NWD2: variants seen among roughly 807,000 people sequenced by gnomAD.
The protein encoded by NWD2 is NACHT and WD repeat domain containing 2.
NWD2 carries 37 observed loss-of-function variants against 132.7 expected under a neutral mutation model. The observed-to-expected ratio is 0.28, with a 90% CI of 0.21 to 0.37. NWD2 has a LOEUF of 0.37. Ranked by LOEUF, NWD2 falls within the 10% of genes least tolerant of loss-of-function variation. The pLI, the probability that NWD2 is intolerant of heterozygous loss-of-function variation, is 1.00. For synonymous variants in NWD2, 705 were observed against 803.0 expected, an observed-to-expected ratio of 0.88 and a Z score of 2.06; for missense variants, 1,592 against 2,122.4, an observed-to-expected ratio of 0.75 and a Z score of 4.91.
rs1277197567 is a variant in NWD2, at chr4:37,275,056, C to A, written c.151+29838C>A. ...GCCCTCTCTCACCACTCCTATTCAACATAGTGTTGGAAGTTCTGGCCAGGG... is the reference window on the plus strand; with the variant it reads ...GCCCTCTCTCACCACTCCTATTCAAAATAGTGTTGGAAGTTCTGGCCAGGG... On this transcript the variant is annotated intron_variant, in intron 1 of 6. Transcript: ENST00000309447. 3.9e-5 allele frequency among the ~76,000 whole-genome samples: 6 copies of A among 152,136 alleles called. No individual in the cohort carries two copies. In the East Asian group the frequency reaches 1.2e-3, roughly 29 times the overall value.
At chr4:37,369,517 T>C (rs1286541172) in intron 3 of NWD2, among the ~76,000 whole-genome samples, 1 of 152,194 alleles carries the variant, frequency 6.6e-6, no homozygotes, top group Non-Finnish European at 1.5e-5. Context: ...TATAATTCTT[T>C]TCCATCTTAG....
chr4:37,294,063 C>G lies in NWD2; in HGVS notation c.152-31873C>G, dbSNP rs956375834. Among the ~76,000 whole-genome samples the G allele has an allele frequency of 5.3e-5, 8 of 152,198 alleles. No individual in the cohort carries two copies. In the East Asian group the frequency reaches 1.4e-3, roughly 26 times the overall value. On this transcript the variant is annotated intron_variant, in intron 1 of 6. Coordinates refer to ENST00000309447, the MANE Select transcript of NWD2 (RefSeq NM_001144990.2). ...ACAAATCACAGGAAGTCCCCACCCC[C>G]CTACTCCTTTCTGGAAAGGAAGACT...
intron 1 of NWD2, among the ~76,000 whole-genome samples, chr4:37,278,399 A>C (rs747402260): frequency 9.2e-5 from 14 of 152,302 alleles, no homozygotes; most frequent in African/African-American, 2.4e-4. Flanking sequence ...ATCATCCACC[A>C]CTGCAAGTCA....
intron 1 of NWD2, among the ~76,000 whole-genome samples, chr4:37,263,452 C>A (rs575148181): frequency 1.6e-4 from 24 of 152,232 alleles, no homozygotes; most frequent in African/African-American, 5.5e-4. Context: ...TCAGAAAGTG[C>A]TAGGTCCAGT....
Position 37,325,929 on chromosome 4 carries a change from A to G in NWD2, c.152-7A>G, listed in dbSNP as rs1219872162. ...TCACTTCCTGTGTGTTTGTCTTTCT[A>G]CTACAGATACGGGAGCAGAAAGACA... On this transcript the variant is annotated splice_polypyrimidine_tract_variant and splice_region_variant and intron_variant, in intron 1 of 6. Coordinates refer to ENST00000309447, the MANE Select transcript of NWD2 (RefSeq NM_001144990.2). 8 of 1,523,032 alleles carry G rather than the reference A, an allele frequency of 5.3e-6. No homozygotes were observed. The highest frequency in any genetic ancestry group is 4.9e-5 in the East Asian group (2 of 40,686). 94.3% of individuals were successfully genotyped at this position (1,523,032 alleles called of 1,614,324 possible).
chr4:37,314,900 T>C (rs982430214), intron 1 of NWD2, among the ~76,000 whole-genome samples: 15 of 152,222 alleles, frequency 9.9e-5, no homozygotes, highest in Non-Finnish European at 1.8e-4. Flanking sequence ...TTCAAAGATA[T>C]AAATTTCATT....
Position 37,356,421 on chromosome 4 carries a change from A to G in NWD2, c.296A>G (p.Gln99Arg). 1 of 1,551,624 alleles carries G rather than the reference A, an allele frequency of 6.4e-7. No individual in the cohort carries two copies. Among genetic ancestry groups the G allele is most frequent in the Non-Finnish European group, 8.7e-7 (1 of 1,146,868 alleles). The change falls in exon 3 of 7, where the codon CAG becomes CGG. Residue 99 changes from glutamine (Q) to arginine (R), a missense_variant. Gln to Arg is a conservative substitution (Grantham distance 43). Around this residue, in one of 7 missense-constraint regions of NWD2, gnomAD observed 144 missense variants for 185.7 expected, o/e 0.78. Coordinates refer to ENST00000309447, the MANE Select transcript of NWD2 (RefSeq NM_001144990.2). ...EEDEWDSPELQKTRMKLLENC... is the reference protein window; with the variant it reads ...EEDEWDSPELRKTRMKLLENC... ...GATGAGTGGGACAGCCCAGAGCTCCAGAAGACCCGCATGAAGCTGCTGGAG... is the reference window on the plus strand; with the variant it reads ...GATGAGTGGGACAGCCCAGAGCTCCGGAAGACCCGCATGAAGCTGCTGGAG...
chr4:37,297,659 A>C (rs1375721344), intron 1 of NWD2, among the ~76,000 whole-genome samples: 1 of 152,220 alleles, frequency 6.6e-6, no homozygotes, highest in Non-Finnish European at 1.5e-5. Flanking sequence ...TTGTAAATTT[A>C]ATACAGTTCC....
chr4:37,291,056 A>G (rs1718350286), intron 1 of NWD2, among the ~76,000 whole-genome samples: 1 of 152,182 alleles, frequency 6.6e-6, no homozygotes. Flanking sequence ...CCTTTGACCA[A>G]AGGTCTGAAG....
chr4:37,244,863 G>A lies in NWD2; in HGVS notation c.-205G>A, dbSNP rs994488860. On this transcript the variant is annotated 5_prime_UTR_variant, in exon 1 of 7. Transcript: ENST00000309447. This position sits in a 1 kb window ranked among gnomAD's most constrained non-coding sequence, Gnocchi z 5.5. ...GAAGGGCAGGAGACCGCCGCGACAGGAGCCCGAGGGTCCGTATGGCTTCTC... is the reference window on the plus strand; with the variant it reads ...GAAGGGCAGGAGACCGCCGCGACAGAAGCCCGAGGGTCCGTATGGCTTCTC... 5 of 597,016 alleles carry A rather than the reference G, an allele frequency of 8.4e-6. No homozygotes were observed. The highest frequency in any genetic ancestry group is 5.6e-6 in the Non-Finnish European group (2 of 355,806). The allele number at this position is 597,016 out of a possible 1,614,324, so 37.0% of individuals were successfully genotyped here. A position where few individuals can be genotyped will look rare whatever the true frequency, so the allele number is the denominator to read the frequency against.
chr4:37,278,226 A>G (rs533626920), intron 1 of NWD2, among the ~76,000 whole-genome samples: 1 of 152,280 alleles, frequency 6.6e-6, no homozygotes, highest in Admixed American at 6.5e-5. Context: ...GGAGTGTCTG[A>G]ATAGCTTGAG....
rs1287835568 is a variant in NWD2 at position 37,245,121 on chromosome 4, C to A, written c.54C>A (p.Leu18=). The change falls in exon 1 of 7, where the codon CTC becomes CTA. Residue 18 remains leucine (L), a synonymous_variant. Transcript: ENST00000309447. ...TKLPCPRDSA[L]RRAAFSGNLT... is the part of the protein sequence containing the mutation. ...TGCCCTGTCCCCGAGACTCTGCGCT[C>A]CGGCGGGCGGCTTTCTCTGGGAACC... The A allele has an allele frequency of 4.1e-5, 63 of 1,547,688 alleles. No individual in the cohort carries two copies. Among genetic ancestry groups the A allele is most frequent in the Non-Finnish European group, 5.2e-5 (60 of 1,146,650 alleles).
At chr4:37,286,956 G>A (rs1390270921) in intron 1 of NWD2, among the ~76,000 whole-genome samples, 3 of 152,200 alleles carry the variant, frequency 2.0e-5, no homozygotes, top group East Asian at 1.9e-4. Context: ...ATCCTTCACC[G>A]GTCATCAGGG....
intron 1 of NWD2, among the ~76,000 whole-genome samples, chr4:37,302,096 CCT>C (rs1348739261): frequency 2.0e-5 from 3 of 151,650 alleles, no homozygotes; most frequent in Non-Finnish European, 4.4e-5. Context: ...TGTTAACCAG[CCT>C]CTCTTTATTC....
rs569077042 is a variant in NWD2, at chr4:37,335,481, T to C, written c.240+9457T>C. On this transcript the variant is annotated intron_variant, in intron 2 of 6. Coordinates refer to ENST00000309447, the MANE Select transcript of NWD2 (RefSeq NM_001144990.2). ...CCCTCCCCCACTAACTGGGAGCTCT[T>C]AGAAGTTAGCAATCACATTATTTAT... Among the ~76,000 whole-genome samples the C allele has an allele frequency of 5.9e-5, 9 of 152,270 alleles. No individual in the cohort carries two copies. The East Asian group carries it at 1.7e-3, about 29-fold the overall frequency.
At chr4:37,430,474 A>G in intron 3 of NWD2, 98 bp from the exon 4 acceptor site, 1 of 830,754 alleles carries the variant, frequency 1.2e-6, no homozygotes, top group Non-Finnish European at 1.9e-6. Context: ...GTATCTTGTT[A>G]TCTATTGATT....
chr4:37,250,013 A>G (rs139532348), intron 1 of NWD2, among the ~76,000 whole-genome samples: 1 of 152,370 alleles, frequency 6.6e-6, no homozygotes, highest in African/African-American at 2.4e-5. Context: ...ACATATCTGC[A>G]TTAAGAAATT....
chr4:37,334,135 A>T (rs1440370892), intron 2 of NWD2, among the ~76,000 whole-genome samples: 1 of 152,220 alleles, frequency 6.6e-6, no homozygotes, highest in African/African-American at 2.4e-5. Context: ...TAGAAAGTGT[A>T]TTCAAAGGGA....
intron 2 of NWD2, among the ~76,000 whole-genome samples, chr4:37,341,387 AATCTAT>A (rs1719519947): frequency 6.6e-6 from 1 of 152,250 alleles, no homozygotes; most frequent in Non-Finnish European, 1.5e-5. Flanking sequence ...AGTAGAGAAG[AATCTAT>A]ATCTATATTT....
Sources: gnomAD v4.1 joint callset for allele counts (sites outside exome capture counted in the v4.1 genomes callset) on GRCh38, gnomAD v4.1.1 for gene constraint, gnomAD v4.1.1 regional missense constraint, Gnocchi (gnomAD v3.1) non-coding constraint, MANE v1.5 for transcripts, NCBI Gene and HGNC (gene_info 2026-07-23, HGNC 2026-07-21) for gene names.